SUSD6: variants seen among roughly 807,000 people sequenced by gnomAD.
SUSD6 encodes sushi domain-containing protein 6.
A neutral mutation model predicts 28.4 loss-of-function variants in SUSD6; 16 were observed. That is an observed-to-expected ratio of 0.56 (90% confidence interval 0.38 to 0.86). The LOEUF (loss-of-function observed/expected upper bound fraction) is 0.86, where lower values mean the gene tolerates loss of function less well. Among genes scored for constraint, SUSD6 ranks in the 40% least tolerant of loss-of-function variants. The pLI, the probability that SUSD6 is intolerant of heterozygous loss-of-function variation, is 0.00. For synonymous variants in SUSD6, 147 were observed against 159.6 expected, an observed-to-expected ratio of 0.92 and a Z score of 0.59; for missense variants, 341 against 384.2, an observed-to-expected ratio of 0.89 and a Z score of 0.94.
intron 2 of SUSD6, among the ~76,000 whole-genome samples, chr14:69,681,841 A>G (rs1293848661): frequency 6.6e-6 from 1 of 152,196 alleles, no homozygotes; most frequent in Non-Finnish European, 1.5e-5. Flanking sequence ...GTTCATGAAA[A>G]GGGCTTACGG....
chr14:69,680,177 C>T (rs1885977600), intron 2 of SUSD6, among the ~76,000 whole-genome samples: 1 of 152,148 alleles, frequency 6.6e-6, no homozygotes, highest in Admixed American at 6.5e-5. Flanking sequence ...CCACCAGTGA[C>T]AGGGATTCTG....
At chr14:69,688,372 G>A (rs1384045743) in intron 2 of SUSD6, among the ~76,000 whole-genome samples, 1 of 152,200 alleles carries the variant, frequency 6.6e-6, no homozygotes, top group Non-Finnish European at 1.5e-5. Context: ...GCATGAGCCT[G>A]GACGTGAGAG....
At position 69,678,255 on chromosome 14, in the gene SUSD6, A is replaced by C. The variant is rs553534643; in HGVS notation, c.121+19542A>C. On this transcript the variant is annotated intron_variant, in intron 2 of 5. Transcript: ENST00000342745. ...TTTTGACATTTGGCTATGTTAGTAC[A>C]TTTCTTTTACCTGCAGTATAGCATT... 6.6e-5 allele frequency among the ~76,000 whole-genome samples: 10 copies of C among 151,610 alleles called. No individual in the cohort carries two copies. In the East Asian group the frequency reaches 1.9e-3, roughly 29 times the overall value.
chr14:69,661,531 CAT>C (rs1041039151), intron 2 of SUSD6, among the ~76,000 whole-genome samples: 63 of 152,238 alleles, frequency 4.1e-4, no homozygotes, highest in African/African-American at 1.5e-3. Flanking sequence ...CCCCATAAAA[CAT>C]GTGTACTGGC....
intron 2 of SUSD6, among the ~76,000 whole-genome samples, chr14:69,691,478 G>A (rs1409942835): frequency 6.6e-6 from 1 of 152,206 alleles, no homozygotes; most frequent in Non-Finnish European, 1.5e-5. Flanking sequence ...TCCATAACTA[G>A]AGTTTACTGG....
intron 1 of SUSD6, among the ~76,000 whole-genome samples, chr14:69,651,792 G>T (rs555170337): frequency 6.6e-6 from 1 of 152,322 alleles, no homozygotes; most frequent in South Asian, 2.1e-4. Flanking sequence ...GGAGTACAGA[G>T]GGGAGATGTT....
At chr14:69,674,815 C>T (rs1040674822) in intron 2 of SUSD6, among the ~76,000 whole-genome samples, 1 of 152,084 alleles carries the variant, frequency 6.6e-6, no homozygotes, top group South Asian at 2.1e-4. Flanking sequence ...ACAAATTTTT[C>T]GGCCTTGGTT....
chr14:69,664,524 T>TA (rs1352841597), intron 2 of SUSD6, among the ~76,000 whole-genome samples: 1 of 152,040 alleles, frequency 6.6e-6, no homozygotes, highest in Non-Finnish European at 1.5e-5. Flanking sequence ...AAAAAAAACT[T>TA]AGAGATTATG....
chr14:69,698,555 T>C (rs1249955441), intron 2 of SUSD6, among the ~76,000 whole-genome samples: 4 of 152,316 alleles, frequency 2.6e-5, no homozygotes, highest in Admixed American at 2.0e-4. Flanking sequence ...TTTTGGAATG[T>C]TGTAAAAGTT....
At chr14:69,668,490 C>T (rs1023894258) in intron 2 of SUSD6, among the ~76,000 whole-genome samples, 1 of 151,920 alleles carries the variant, frequency 6.6e-6, no homozygotes, top group Non-Finnish European at 1.5e-5. Flanking sequence ...CAAAAATCAG[C>T]CGGGCGTGGT....
intron 1 of SUSD6, among the ~76,000 whole-genome samples, chr14:69,622,278 C>CCT (rs1361404148): frequency 6.6e-6 from 1 of 152,184 alleles, no homozygotes; most frequent in East Asian, 1.9e-4. Flanking sequence ...GATCCTCCCA[C>CCT]CTCAGCCTCC....
Position 69,655,459 on chromosome 14 carries a change from G to T in SUSD6, c.-80-3054G>T, listed in dbSNP as rs529682789. 5.9e-5 allele frequency among the ~76,000 whole-genome samples: 9 copies of T among 152,006 alleles called. No individual in the cohort carries two copies. In the East Asian group the frequency reaches 1.7e-3, roughly 29 times the overall value. Reference sequence around the variant, plus strand: ...AGTCAGAGTATATGTGCATTTTTTTGGAATAGTTATTAACAAGTTGCTCTC... The same window carrying T: ...AGTCAGAGTATATGTGCATTTTTTTTGAATAGTTATTAACAAGTTGCTCTC... On this transcript the variant is annotated intron_variant, in intron 1 of 5. Coordinates refer to ENST00000342745, the MANE Select transcript of SUSD6 (RefSeq NM_014734.4).
In SUSD6 at chr14:69,671,754, A is replaced by G. The variant is rs544335358; in HGVS notation, c.121+13041A>G. ...GATGTGTTCAGGGGTGCAGAGAACT[A>G]TTGTGACTTCCAGCAGAGATGTGTC... On this transcript the variant is annotated intron_variant, in intron 2 of 5. Coordinates refer to ENST00000342745, the MANE Select transcript of SUSD6 (RefSeq NM_014734.4). Among the ~76,000 whole-genome samples, 5 of 152,274 alleles carry G rather than the reference A, an allele frequency of 3.3e-5. No individual in the cohort carries two copies. The South Asian group carries it at 1.0e-3, about 32-fold the overall frequency.
At chr14:69,692,176 T>C (rs1886163455) in intron 2 of SUSD6, among the ~76,000 whole-genome samples, 1 of 152,220 alleles carries the variant, frequency 6.6e-6, no homozygotes, top group Non-Finnish European at 1.5e-5. Flanking sequence ...AAGGAAACTG[T>C]CCTGCCTTTT....
chr14:69,674,963 T>G (rs1885885839), intron 2 of SUSD6, among the ~76,000 whole-genome samples: 1 of 152,200 alleles, frequency 6.6e-6, no homozygotes, highest in African/African-American at 2.4e-5. Flanking sequence ...AGGCTTTTGA[T>G]GATTTCATTA....
intron 1 of SUSD6, among the ~76,000 whole-genome samples, chr14:69,635,063 A>G (rs1329423217): frequency 6.6e-6 from 1 of 152,198 alleles, no homozygotes; most frequent in Non-Finnish European, 1.5e-5. Flanking sequence ...GATGATGATG[A>G]TGACGACGAT....
rs912301804 is a variant in SUSD6, at chr14:69,654,775, T to C, written c.-80-3738T>C. ...GCGACCATTAGTTACCAATTTCTTT[T>C]TTTTTTTTTTTTTTGGTGTGTGTGT... On this transcript the variant is annotated intron_variant, in intron 1 of 5. Transcript: ENST00000342745. Among the ~76,000 whole-genome samples the C allele has an allele frequency of 8.1e-4, 65 of 80,676 alleles. 1 individual carries two copies. The highest frequency in any genetic ancestry group is 1.0e-3 in the South Asian group (2 of 1,950). The allele number at this position is 80,676 out of a possible 152,430, so 52.9% of individuals were successfully genotyped here.
At chr14:69,675,211 C>T (rs1221106991) in intron 2 of SUSD6, among the ~76,000 whole-genome samples, 1 of 152,202 alleles carries the variant, frequency 6.6e-6, no homozygotes, top group Non-Finnish European at 1.5e-5. Flanking sequence ...CAGTTTTGCT[C>T]ACCTTGCTTC....
chr14:69,639,220 C>CGGGAGG (rs1885311540), intron 1 of SUSD6, among the ~76,000 whole-genome samples: 1 of 130,852 alleles, frequency 7.6e-6, no homozygotes, highest in Non-Finnish European at 1.6e-5. Context: ...CCCAGCTACT[C>CGGGAGG]GGGAGGCTGA....
Sources: allele counts gnomAD v4.1 joint callset (sites outside exome capture counted in the v4.1 genomes callset), GRCh38; gene constraint gnomAD v4.1.1; transcripts MANE v1.5; gene names NCBI Gene and HGNC (gene_info 2026-07-23, HGNC 2026-07-21).